Variants in CPQ observed in about 807,000 individuals in gnomAD.
The protein encoded by CPQ is carboxypeptidase Q, also known as Ser-Met dipeptidase.
Under a neutral mutation model 45.7 loss-of-function variants are expected in CPQ, and 37 were observed. The observed-to-expected ratio is 0.81, with a 90% CI of 0.62 to 1.07. The LOEUF (loss-of-function observed/expected upper bound fraction) is 1.07, where lower values mean the gene tolerates loss of function less well. Ranked by LOEUF, CPQ falls within the 50% of genes least tolerant of loss-of-function variation. The pLI, the probability that CPQ is intolerant of heterozygous loss-of-function variation, is 0.00. For synonymous variants in CPQ, 186 were observed against 205.8 expected, an observed-to-expected ratio of 0.90 and a Z score of 0.82; for missense variants, 537 against 572.9, an observed-to-expected ratio of 0.94 and a Z score of 0.64.
chr8:96,657,905 C>G (rs1023203237), intron 1 of CPQ, among the ~76,000 whole-genome samples: 2 of 152,158 alleles, frequency 1.3e-5, no homozygotes, highest in African/African-American at 4.8e-5. Context: ...ACGTATGTCT[C>G]TTTTGTGCCC....
intron 7 of CPQ, among the ~76,000 whole-genome samples, chr8:97,071,053 T>C (rs550473703): frequency 1.4e-4 from 22 of 152,302 alleles, no homozygotes; most frequent in South Asian, 2.1e-4. Flanking sequence ...TCTTACTCTA[T>C]ATCTGCCAAG....
chr8:96,866,396 A>G (rs1302295730), intron 3 of CPQ, among the ~76,000 whole-genome samples: 1 of 152,056 alleles, frequency 6.6e-6, no homozygotes. Context: ...TTCTCAGCAC[A>G]TGAGACCCTT....
chr8:96,741,217 C>G (rs1251235609), intron 1 of CPQ, among the ~76,000 whole-genome samples: 2 of 152,136 alleles, frequency 1.3e-5, no homozygotes, highest in Non-Finnish European at 2.9e-5. Flanking sequence ...GTGTATGTGT[C>G]AAGGAATTTA....
chr8:96,999,887 C>T (rs1409661996), intron 5 of CPQ, among the ~76,000 whole-genome samples: 1 of 152,010 alleles, frequency 6.6e-6, no homozygotes, highest in Admixed American at 6.6e-5. Flanking sequence ...TCTCCACAAC[C>T]TTATCAGCAT....
intron 1 of CPQ, among the ~76,000 whole-genome samples, chr8:96,678,020 C>T (rs576187913): frequency 3.8e-4 from 58 of 152,114 alleles, no homozygotes; most frequent in African/African-American, 1.1e-3. Context: ...TATTCTGTTC[C>T]GTCGGTCTAC....
At chr8:96,663,311 C>T (rs1808871683) in intron 1 of CPQ, among the ~76,000 whole-genome samples, 1 of 96,108 alleles carries the variant, frequency 1.0e-5, no homozygotes, top group Non-Finnish European at 2.3e-5. Flanking sequence ...CAAACATTTT[C>T]ATCTGCATAC....
chr8:96,724,302 A>G (rs886811569), intron 1 of CPQ, among the ~76,000 whole-genome samples: 4 of 152,112 alleles, frequency 2.6e-5, no homozygotes, highest in Non-Finnish European at 4.4e-5. Context: ...GCTCTGTAAT[A>G]TTCAATGTGT....
intron 1 of CPQ, among the ~76,000 whole-genome samples, chr8:96,759,156 G>C (rs1328092505): frequency 6.6e-6 from 1 of 152,156 alleles, no homozygotes; most frequent in Non-Finnish European, 1.5e-5. Flanking sequence ...ATGCCAATAA[G>C]TGTGCTGCCC....
intron 5 of CPQ, among the ~76,000 whole-genome samples, chr8:96,982,042 C>T (rs1222034471): frequency 6.6e-6 from 1 of 152,096 alleles, no homozygotes; most frequent in African/African-American, 2.4e-5. Flanking sequence ...ATACATGGCA[C>T]ATGATGTTAA....
At chr8:96,955,064 A>G (rs1215199571) in intron 4 of CPQ, among the ~76,000 whole-genome samples, 2 of 152,090 alleles carry the variant, frequency 1.3e-5, no homozygotes, top group Non-Finnish European at 2.9e-5. Flanking sequence ...ACATACATCT[A>G]CATGTGTCTT....
At chr8:96,657,094 C>T (rs1169593371) in intron 1 of CPQ, among the ~76,000 whole-genome samples, 1 of 151,954 alleles carries the variant, frequency 6.6e-6, no homozygotes, top group Non-Finnish European at 1.5e-5. Context: ...CGCCTGTAAT[C>T]CCAGCACTTT....
rs577996248 is a variant in CPQ, at chr8:96,978,985, T to C, written c.961+12939T>C. ...GTTCCTTGCGTCAAGGAGCTCATAG[T>C]CAGGCAACAATGGCTTCACATGGAT... On this transcript the variant is annotated intron_variant, in intron 5 of 7. Transcript: ENST00000220763. 2.6e-5 allele frequency among the ~76,000 whole-genome samples: 4 copies of C among 151,906 alleles called. No homozygotes were observed. The South Asian group carries it at 8.3e-4, about 32-fold the overall frequency.
At chr8:96,800,139 G>A (rs1810987408) in intron 2 of CPQ, among the ~76,000 whole-genome samples, 1 of 152,144 alleles carries the variant, frequency 6.6e-6, no homozygotes. Context: ...TGTGGGCCTA[G>A]AGAATACTGG....
At chr8:96,878,698 G>A (rs1812180598) in intron 3 of CPQ, among the ~76,000 whole-genome samples, 1 of 152,208 alleles carries the variant, frequency 6.6e-6, no homozygotes, top group South Asian at 2.1e-4. Context: ...GCATCATTGT[G>A]TTTGTGCATG....
At chr8:96,853,774 T>A (rs1261387165) in intron 3 of CPQ, among the ~76,000 whole-genome samples, 1 of 152,200 alleles carries the variant, frequency 6.6e-6, no homozygotes, top group Non-Finnish European at 1.5e-5. Context: ...GGTAGTGTAG[T>A]GTACACTCCA....
intron 2 of CPQ, among the ~76,000 whole-genome samples, chr8:96,814,473 C>T (rs1811199904): frequency 6.6e-6 from 1 of 152,172 alleles, no homozygotes; most frequent in Non-Finnish European, 1.5e-5. Context: ...GTTCAGGCTA[C>T]ATTGAAGAAA....
At chr8:96,929,504 G>C (rs1054620437) in intron 4 of CPQ, among the ~76,000 whole-genome samples, 1 of 152,116 alleles carries the variant, frequency 6.6e-6, no homozygotes, top group African/African-American at 2.4e-5. Context: ...CCAATGCTGT[G>C]TGTTAGAGTG....
At chr8:96,826,780 G>A (rs897386225) in intron 2 of CPQ, among the ~76,000 whole-genome samples, 10 of 151,814 alleles carry the variant, frequency 6.6e-5, no homozygotes, top group Non-Finnish European at 1.2e-4. Flanking sequence ...CTCCCTCCCC[G>A]TACTCCACTC....
At chr8:97,029,719 G>T (rs980098565) in intron 6 of CPQ, among the ~76,000 whole-genome samples, 2 of 152,082 alleles carry the variant, frequency 1.3e-5, no homozygotes, top group African/African-American at 4.8e-5. Context: ...ACAGTCTGAG[G>T]CCAAAGAAAA....
Sources: allele counts gnomAD v4.1 joint callset (sites outside exome capture counted in the v4.1 genomes callset), GRCh38; gene constraint gnomAD v4.1.1; transcripts MANE v1.5; gene names NCBI Gene and HGNC (gene_info 2026-07-23, HGNC 2026-07-21).